The following XRCC4 variants were observed in gnomAD, a reference collection of about 807,000 sequenced individuals.
XRCC4 encodes X-ray repair cross complementing 4.
A neutral mutation model predicts 39.1 loss-of-function variants in XRCC4; 28 were observed. That is an observed-to-expected ratio of 0.72 (90% CI 0.53 to 0.98). The LOEUF (loss-of-function observed/expected upper bound fraction) is 0.98. Ranked by LOEUF, XRCC4 falls within the 50% of genes least tolerant of loss-of-function variation. XRCC4 has a pLI of 0.00. For synonymous variants in XRCC4, 123 were observed against 126.4 expected (o/e 0.97, Z 0.18); for missense variants, 350 against 376.4 (o/e 0.93, Z 0.58).
intron 3 of XRCC4, among the ~76,000 whole-genome samples, chr5:83,155,038 A>C (rs1338661160): frequency 6.6e-6 from 1 of 152,146 alleles, no homozygotes; most frequent in Non-Finnish European, 1.5e-5. Context: ...TCCTCTACTT[A>C]TTCTTTAATA....
intron 6 of XRCC4, among the ~76,000 whole-genome samples, chr5:83,207,241 G>A (rs1194761318): frequency 6.6e-6 from 1 of 152,102 alleles, no homozygotes; most frequent in African/African-American, 2.4e-5. Flanking sequence ...AATTATTGAT[G>A]AGAAAATACG....
intron 3 of XRCC4, among the ~76,000 whole-genome samples, chr5:83,127,305 G>T (rs566616525): frequency 6.8e-4 from 104 of 152,088 alleles, no homozygotes; most frequent in Admixed American, 1.3e-3. Context: ...TTGAATTGTA[G>T]CTCCCATAAT....
intron 7 of XRCC4, among the ~76,000 whole-genome samples, chr5:83,313,443 T>A (rs1339559704): frequency 6.6e-6 from 1 of 152,152 alleles, no homozygotes; most frequent in Non-Finnish European, 1.5e-5. Context: ...AGTTTACTGC[T>A]GTAGGATATT....
intron 7 of XRCC4, among the ~76,000 whole-genome samples, chr5:83,286,107 C>T (rs181126665): frequency 6.6e-5 from 10 of 152,194 alleles, no homozygotes; most frequent in Admixed American, 1.3e-4. Context: ...TTTGGCACAA[C>T]ACATCTCTGA....
At chr5:83,217,938 A>G (rs1463272228) in intron 6 of XRCC4, among the ~76,000 whole-genome samples, 10 of 152,236 alleles carry the variant, frequency 6.6e-5, no homozygotes, top group Admixed American at 5.9e-4. Flanking sequence ...AAGTATAGCA[A>G]TTTGACATTA....
At chr5:83,312,110 T>G (rs2112097290) in intron 7 of XRCC4, among the ~76,000 whole-genome samples, 1 of 152,262 alleles carries the variant, frequency 6.6e-6, no homozygotes, top group South Asian at 2.1e-4. Flanking sequence ...AGAAATCTGC[T>G]ACAGAAAACC....
chr5:83,369,299 G>C, the XRCC4 span, among the ~76,000 whole-genome samples: 1 of 152,128 alleles, frequency 6.6e-6, no homozygotes, highest in Non-Finnish European at 1.5e-5. Flanking sequence ...GATTGTTACA[G>C]AGGAATTTTG....
intron 3 of XRCC4, among the ~76,000 whole-genome samples, chr5:83,146,793 A>AT: frequency 1.3e-5 from 2 of 152,240 alleles, no homozygotes; most frequent in South Asian, 4.1e-4. Context: ...TATTTCTCTT[A>AT]TTTTTCTGTA....
At chr5:83,132,856 A>G (rs1016250565) in intron 3 of XRCC4, among the ~76,000 whole-genome samples, 1 of 152,020 alleles carries the variant, frequency 6.6e-6, no homozygotes, top group African/African-American at 2.4e-5. Flanking sequence ...GAAGTTTGTT[A>G]TGACCGATCA....
intron 3 of XRCC4, among the ~76,000 whole-genome samples, chr5:83,129,278 A>G (rs1747436432): frequency 6.7e-6 from 1 of 148,870 alleles, no homozygotes; most frequent in African/African-American, 2.5e-5. Context: ...CAAAGATCAG[A>G]TGGTTGTAGA....
intron 3 of XRCC4, among the ~76,000 whole-genome samples, chr5:83,191,388 G>A (rs1158986494): frequency 1.3e-5 from 2 of 151,542 alleles, no homozygotes; most frequent in Non-Finnish European, 2.9e-5. Flanking sequence ...TAGTGAATGA[G>A]TCTCATGAGA....
intron 6 of XRCC4, among the ~76,000 whole-genome samples, chr5:83,247,421 C>T (rs74688270): frequency 0.036 from 5,495 of 152,198 alleles, 329 homozygotes; most frequent in African/African-American, 0.13. Flanking sequence ...GTGGCAAAAT[C>T]ATCCCCCCAA....
chr5:83,315,814 A>G (rs1351091027), intron 7 of XRCC4, among the ~76,000 whole-genome samples: 1 of 152,128 alleles, frequency 6.6e-6, no homozygotes, highest in African/African-American at 2.4e-5. Flanking sequence ...CCTCTGATGG[A>G]TATATACAAA....
intron 3 of XRCC4, among the ~76,000 whole-genome samples, chr5:83,134,453 C>G (rs1747778775): frequency 6.6e-6 from 1 of 152,150 alleles, no homozygotes; most frequent in Non-Finnish European, 1.5e-5. Context: ...GTAAATGCAC[C>G]AGTCAGCCCT....
intron 6 of XRCC4, among the ~76,000 whole-genome samples, chr5:83,206,088 A>G (rs1751410795): frequency 6.6e-6 from 1 of 152,068 alleles, no homozygotes; most frequent in Admixed American, 6.6e-5. Flanking sequence ...ATAGGCTACC[A>G]TTAGAACTTC....
intron 3 of XRCC4, among the ~76,000 whole-genome samples, chr5:83,136,124 G>T (rs1004283755): frequency 6.6e-6 from 1 of 152,044 alleles, no homozygotes; most frequent in Non-Finnish European, 1.5e-5. Flanking sequence ...CCCCGCTATT[G>T]AGGCAAAATA....
chr5:83,286,664 A>G lies in XRCC4; in HGVS notation c.893+27987A>G, dbSNP rs185381995. Reference sequence around the variant, plus strand: ...TGAAAGTCAACTGATTGAATATATTAACGACATCAACAAAATAGCTTCATA... The same window carrying G: ...TGAAAGTCAACTGATTGAATATATTGACGACATCAACAAAATAGCTTCATA... On this transcript the variant is annotated intron_variant, in intron 7 of 7. Transcript: ENST00000396027. Among the ~76,000 whole-genome samples, 54 of 152,234 alleles carry G rather than the reference A, an allele frequency of 3.5e-4. 1 individual carries two copies. Among genetic ancestry groups the G allele is most frequent in the Admixed American group, 2.5e-3 (38 of 15,270 alleles).
chr5:83,137,739 T>A lies in XRCC4; in HGVS notation c.315+26536T>A, dbSNP rs7731427. On this transcript the variant is annotated intron_variant, in intron 3 of 7. Coordinates refer to ENST00000396027, the MANE Select transcript of XRCC4 (RefSeq NM_003401.5). ...TAGGAGGTGGTTGTAAGGATTTAAT[T>A]AATTAGTGTGTGTGTGTATGTGTGT... 2.6e-5 allele frequency among the ~76,000 whole-genome samples: 4 copies of A among 152,232 alleles called. No individual in the cohort carries two copies. The South Asian group carries it at 8.3e-4, about 32-fold the overall frequency.
In XRCC4 at chr5:83,150,893, G is replaced by A. The variant is rs9293333; in HGVS notation, c.315+39690G>A. Among the ~76,000 whole-genome samples, 491 of 152,138 alleles carry A rather than the reference G, an allele frequency of 3.2e-3. 2 individuals are homozygous for A. Among genetic ancestry groups the A allele is most frequent in the African/African-American group, 0.011 (468 of 41,546 alleles). Reference sequence around the variant, plus strand: ...AGGATTTTTTATATTGTAATTGATAGATAGATACCTTATTAGAAAAATAGC... The same window carrying A: ...AGGATTTTTTATATTGTAATTGATAAATAGATACCTTATTAGAAAAATAGC... On this transcript the variant is annotated intron_variant, in intron 3 of 7. Coordinates refer to ENST00000396027, the MANE Select transcript of XRCC4 (RefSeq NM_003401.5).
Sources: gnomAD v4.1 joint callset for allele counts (sites outside exome capture counted in the v4.1 genomes callset) on GRCh38, gnomAD v4.1.1 for gene constraint, MANE v1.5 for transcripts, NCBI Gene and HGNC (gene_info 2026-07-23, HGNC 2026-07-21) for gene names.